The following CD302 variants were observed in gnomAD, a reference collection of about 807,000 sequenced individuals.
CD302 encodes the protein CD302 antigen.
Under a neutral mutation model 26.5 loss-of-function variants are expected in CD302, and 23 were observed. The ratio of observed to expected loss-of-function variants is 0.87; its 90% CI spans 0.62 to 1.23. The LOEUF (loss-of-function observed/expected upper bound fraction) is 1.23. Among genes scored for constraint, CD302 ranks in the 50% most tolerant of loss-of-function variants. The pLI is 0.00. For missense variants in CD302, 290 were observed against 275.5 expected, an observed-to-expected ratio of 1.05 and a Z score of -0.37; for synonymous variants, 90 against 99.4, an observed-to-expected ratio of 0.91 and a Z score of 0.56.
chr2:159,778,330 G>A lies in CD302; in HGVS notation c.470-366C>T, dbSNP rs543874131. 2.6e-5 allele frequency among the ~76,000 whole-genome samples: 4 copies of A among 152,296 alleles called. No homozygotes were observed. In the South Asian group the frequency reaches 8.3e-4, roughly 32 times the overall value. ...TGACCCTAACTACCTTAGTATGGAT[G>A]TACTCACTATTTCTGATGTTTTGAA... On this transcript the variant is annotated intron_variant, in intron 4 of 5. Coordinates refer to ENST00000259053, the MANE Select transcript of CD302 (RefSeq NM_014880.5).
intron 5 of CD302, among the ~76,000 whole-genome samples, chr2:159,774,051 C>G (rs1708237318): frequency 6.6e-6 from 1 of 151,380 alleles, no homozygotes; most frequent in African/African-American, 2.4e-5. Context: ...CATGCTTAAA[C>G]ACGTGGATGT....
rs1176139165 is a variant in CD302, at chr2:159,770,989, A to G, written c.*862T>C. Reference sequence around the variant, plus strand: ...CAAATGATTTTCACCTTTTTCTTAAAATGTACAATAAATGCACTGAAAACT... The same window carrying G: ...CAAATGATTTTCACCTTTTTCTTAAGATGTACAATAAATGCACTGAAAACT... On this transcript the variant is annotated 3_prime_UTR_variant, in exon 6 of 6. Coordinates refer to ENST00000259053, the MANE Select transcript of CD302 (RefSeq NM_014880.5). 6.6e-6 allele frequency: 1 copy of G among 152,148 alleles called. No individual in the cohort carries two copies. The highest frequency in any genetic ancestry group is 2.4e-5 in the African/African-American group (1 of 41,428). 9.4% of individuals were successfully genotyped at this position (152,148 alleles called of 1,614,324 possible).
chr2:159,797,225 G>GT (rs1553796282), intron 1 of CD302, among the ~76,000 whole-genome samples: 29 of 135,248 alleles, frequency 2.1e-4, no homozygotes, highest in Non-Finnish European at 3.4e-4. Context: ...CAAGGGGTGG[G>GT]GGGGGGGAAT....
intron 5 of CD302, among the ~76,000 whole-genome samples, chr2:159,777,669 CACTT>C (rs533045691): frequency 4.3e-4 from 66 of 152,178 alleles, no homozygotes; most frequent in African/African-American, 1.4e-3. Flanking sequence ...AGTATTATGA[CACTT>C]AGGGAAAAAA....
intron 2 of CD302, among the ~76,000 whole-genome samples, chr2:159,782,414 CAAAAAAAAAAAAAAA>C (rs72068957): frequency 2.8e-5 from 2 of 70,714 alleles, no homozygotes; most frequent in African/African-American, 1.2e-4. Flanking sequence ...CTCCATCTCA[CAAAAAAAAAAAAAAA>C]AAAAAAAAAA....
rs1367358474 is a variant in CD302 at position 159,773,387 on chromosome 2, CTTTA to C, written c.497-1338_497-1335del. ...CCTCAACTTTACCAGTGTGAACACA[CTTTA>C]TTTCAGTGTACTAATGATTGTACAA... is the stretch of plus-strand genomic sequence containing the variant. On this transcript the variant is annotated intron_variant, in intron 5 of 5. Coordinates refer to ENST00000259053, the MANE Select transcript of CD302 (RefSeq NM_014880.5). Among the ~76,000 whole-genome samples, 5 of 152,126 alleles carry C rather than the reference CTTTA, an allele frequency of 3.3e-5. No individual in the cohort carries two copies. The East Asian group carries it at 9.6e-4, about 29-fold the overall frequency.
chr2:159,780,391 G>A (rs1052836678), intron 3 of CD302, among the ~76,000 whole-genome samples: 1 of 151,924 alleles, frequency 6.6e-6, no homozygotes, highest in Admixed American at 6.6e-5. Context: ...TCCAATTTTC[G>A]CAAAAATATA....
At chr2:159,784,066 A>G (rs1013594583) in intron 1 of CD302, among the ~76,000 whole-genome samples, 1 of 152,164 alleles carries the variant, frequency 6.6e-6, no homozygotes, top group African/African-American at 2.4e-5. Flanking sequence ...CTACTGCTCT[A>G]AAGGGACATC....
intron 1 of CD302, among the ~76,000 whole-genome samples, chr2:159,784,517 G>A (rs767783758): frequency 2.5e-4 from 38 of 151,730 alleles, no homozygotes; most frequent in Non-Finnish European, 3.5e-4. Flanking sequence ...CACCATGCCC[G>A]GCTAACTTTT....
At position 159,768,870 on chromosome 2, in the gene CD302, CTTTA is replaced by C. The variant is rs1326517861; in HGVS notation, c.*2977_*2980del. On this transcript the variant is annotated 3_prime_UTR_variant, in exon 6 of 6. Transcript: ENST00000259053. ...GTTGTCTTCTGCTTAACCCATAAAA[CTTTA>C]TTTAAAAAATTTAACTAGATGGTAC... is the stretch of plus-strand genomic sequence containing the variant. 6.6e-6 allele frequency: 1 copy of C among 152,052 alleles called. No homozygotes were observed. The highest frequency in any genetic ancestry group is 2.4e-5 in the African/African-American group (1 of 41,424). 9.4% of individuals were successfully genotyped at this position (152,052 alleles called of 1,614,324 possible).
At position 159,780,887 on chromosome 2, in the gene CD302, G is replaced by A. The variant is rs1418897439; in HGVS notation, c.290C>T (p.Thr97Ile). The A allele has an allele frequency of 1.2e-6, 2 of 1,612,284 alleles. No homozygotes were observed. Among genetic ancestry groups the A allele is most frequent in the South Asian group, 1.1e-5 (1 of 90,856 alleles). The stretch of plus-strand genomic sequence containing the variant: ...ACGAGGTAAATATCACTTACCATCT[G>A]TGTCATAAAACATGCCTAGTAGGAT... The part of the protein sequence containing the change: ...DDILLGMFYD[T>I]DDASFKWFDN... The change falls in exon 3 of 6, where the codon ACA becomes ATA. Residue 97 changes from threonine (T) to isoleucine (I), a missense_variant. By Grantham distance (89) the Thr-to-Ile change is moderately conservative (BLOSUM62 -1). Transcript: ENST00000259053.
chr2:159,784,860 T>C (rs1019535157), intron 1 of CD302, among the ~76,000 whole-genome samples: 1 of 152,130 alleles, frequency 6.6e-6, no homozygotes, highest in South Asian at 2.1e-4. Flanking sequence ...CCAAGCTAGA[T>C]TGCTTCGCAG....
At chr2:159,792,744 T>A (rs574616437) in intron 1 of CD302, among the ~76,000 whole-genome samples, 33 of 151,766 alleles carry the variant, frequency 2.2e-4, no homozygotes, top group East Asian at 1.3e-3. Flanking sequence ...CAAAAAAAAA[T>A]TTTTTTTTAA....
intron 1 of CD302, among the ~76,000 whole-genome samples, chr2:159,788,558 T>G (rs1708727806): frequency 6.6e-6 from 1 of 152,246 alleles, no homozygotes; most frequent in Non-Finnish European, 1.5e-5. Flanking sequence ...AATTAAGCAA[T>G]GAATCACTAT....
At chr2:159,796,217 T>C (rs1708951303) in intron 1 of CD302, among the ~76,000 whole-genome samples, 2 of 152,218 alleles carry the variant, frequency 1.3e-5, no homozygotes, top group African/African-American at 4.8e-5. Context: ...ACAAACTCTT[T>C]CTTGACTTAG....
In CD302 at chr2:159,779,730, T is replaced by C. The variant is rs376655155; in HGVS notation, c.469+275A>G. On this transcript the variant is annotated intron_variant, in intron 4 of 5. Transcript: ENST00000259053. Reference sequence around the variant, plus strand: ...TTGATCCTCCCACCTCAGGCTCCCATGTATTTCGGACCGCAGGTGCACGCC... The same window carrying C: ...TTGATCCTCCCACCTCAGGCTCCCACGTATTTCGGACCGCAGGTGCACGCC... 2.6e-5 allele frequency among the ~76,000 whole-genome samples: 4 copies of C among 152,066 alleles called. No individual in the cohort carries two copies. In the South Asian group the frequency reaches 6.2e-4, roughly 24 times the overall value.
chr2:159,780,915 C>A lies in CD302; in HGVS notation c.262G>T (p.Asp88Tyr). 1 of 1,613,682 alleles carries A rather than the reference C, an allele frequency of 6.2e-7. No homozygotes were observed. The highest frequency in any genetic ancestry group is 8.5e-7 in the Non-Finnish European group (1 of 1,179,932). The change falls in exon 3 of 6, where the codon GAT becomes TAT. Residue 88 changes from aspartate (D) to tyrosine (Y), a missense_variant. Transcript: ENST00000259053. The stretch of plus-strand genomic sequence containing the variant: ...TCATAAAACATGCCTAGTAGGATAT[C>A]ATCTGGGCCTTTCCATTGCTTTTTC... Reference protein sequence around the residue: ...TLKKQWKGPDDILLGMFYDTD... With the variant: ...TLKKQWKGPDYILLGMFYDTD...
chr2:159,774,613 T>G (rs929445710), intron 5 of CD302, among the ~76,000 whole-genome samples: 1 of 152,162 alleles, frequency 6.6e-6, no homozygotes. Context: ...TGGTCCTGAT[T>G]TGTCACCTCA....
At chr2:159,773,733 G>C (rs756351546) in intron 5 of CD302, among the ~76,000 whole-genome samples, 44 of 152,122 alleles carry the variant, frequency 2.9e-4, no homozygotes, top group Non-Finnish European at 2.9e-5. Context: ...TTAAAACAAT[G>C]TGTAGTTTAT....
Sources: gnomAD v4.1 joint callset for allele counts (sites outside exome capture counted in the v4.1 genomes callset) on GRCh38, gnomAD v4.1.1 for gene constraint, MANE v1.5 for transcripts, NCBI Gene and HGNC (gene_info 2026-07-23, HGNC 2026-07-21) for gene names.